The following KYNU variants were observed in gnomAD, a reference collection of about 807,000 sequenced individuals.
KYNU encodes the protein L-kynurenine hydrolase.
A neutral mutation model predicts 59.2 loss-of-function variants in KYNU; 54 were observed. The ratio of observed to expected loss-of-function variants is 0.91; its 90% CI spans 0.73 to 1.14. The LOEUF (loss-of-function observed/expected upper bound fraction) is 1.14. Ranked by LOEUF, KYNU falls within the 50% of genes most tolerant of loss-of-function variation. KYNU has a pLI of 0.00. For synonymous variants in KYNU, 177 were observed against 192.0 expected (o/e 0.92, Z 0.65); for missense variants, 567 against 554.4 (o/e 1.02, Z -0.23).
chr2:142,918,033 T>C (rs1462008178), intron 2 of KYNU, among the ~76,000 whole-genome samples: 3 of 152,212 alleles, frequency 2.0e-5, no homozygotes, highest in African/African-American at 7.2e-5. Context: ...ATCATCAAAG[T>C]TTGATTTATA....
intron 10 of KYNU, among the ~76,000 whole-genome samples, chr2:143,020,145 A>G (rs749513833): frequency 2.0e-5 from 3 of 150,942 alleles, no homozygotes; most frequent in African/African-American, 4.9e-5. Context: ...TCTTTATTCT[A>G]TCCTTCCTTC....
At chr2:142,925,566 C>A (rs1683021984) in intron 3 of KYNU, among the ~76,000 whole-genome samples, 1 of 152,034 alleles carries the variant, frequency 6.6e-6, no homozygotes, top group Non-Finnish European at 1.5e-5. Flanking sequence ...ATATTGTTAC[C>A]CATTTACTTG....
intron 8 of KYNU, 142 bp downstream of exon 8, chr2:142,960,912 T>G (rs1684321953): frequency 1.0e-6 from 1 of 952,382 alleles, no homozygotes; most frequent in Non-Finnish European, 1.6e-6. Context: ...GAGTAAACCT[T>G]GGGCCAGGCA....
At chr2:142,938,103 G>C (rs556381469) in intron 4 of KYNU, among the ~76,000 whole-genome samples, 41 of 152,294 alleles carry the variant, frequency 2.7e-4, no homozygotes, top group African/African-American at 9.1e-4. Flanking sequence ...CCTGTTTACA[G>C]GAGAAAAACA....
At chr2:142,948,512 C>A (rs1683874998) in intron 4 of KYNU, among the ~76,000 whole-genome samples, 1 of 152,188 alleles carries the variant, frequency 6.6e-6, no homozygotes, top group African/African-American at 2.4e-5. Flanking sequence ...GGGGAAGCCT[C>A]ATGACAGTGG....
chr2:142,977,633 A>G (rs2105140973), intron 8 of KYNU, among the ~76,000 whole-genome samples: 1 of 152,076 alleles, frequency 6.6e-6, no homozygotes, highest in Admixed American at 6.6e-5. Context: ...TGCTATTCTC[A>G]TTGAACTATA....
At position 142,978,274 on chromosome 2, in the gene KYNU, C is replaced by T. The variant is rs199882340; in HGVS notation, c.730-6810C>T. Among the ~76,000 whole-genome samples the T allele has an allele frequency of 2.2e-4, 31 of 142,626 alleles. No individual in the cohort carries two copies. In the East Asian group the frequency reaches 5.2e-3, roughly 24 times the overall value. 93.6% of individuals were successfully genotyped at this position (142,626 alleles called of 152,430 possible). ...TCTCCCTATACCGTTTTCTTTTTTTCGTTCATTTTCTTTAAATTTCCCATT... is the reference window on the plus strand; with the variant it reads ...TCTCCCTATACCGTTTTCTTTTTTTTGTTCATTTTCTTTAAATTTCCCATT... On this transcript the variant is annotated intron_variant, in intron 8 of 13. Coordinates refer to ENST00000264170, the MANE Select transcript of KYNU (RefSeq NM_003937.3).
intron 8 of KYNU, among the ~76,000 whole-genome samples, chr2:142,980,872 A>G (rs1232279981): frequency 6.6e-6 from 1 of 152,136 alleles, no homozygotes; most frequent in African/African-American, 2.4e-5. Context: ...GTTTGCTTTC[A>G]CATATGCATA....
At chr2:142,908,395 A>T (rs1441188637) in intron 2 of KYNU, among the ~76,000 whole-genome samples, 2 of 151,976 alleles carry the variant, frequency 1.3e-5, no homozygotes, top group Non-Finnish European at 2.9e-5. Context: ...ATTTAATTAA[A>T]TTGAGAAGTC....
chr2:142,993,065 C>T (rs1685447877), intron 10 of KYNU, among the ~76,000 whole-genome samples: 1 of 151,906 alleles, frequency 6.6e-6, no homozygotes, highest in Non-Finnish European at 1.5e-5. Context: ...TGGGGAAACT[C>T]ACAGATACGA....
In KYNU at chr2:142,890,710, T is replaced by C. The variant is rs115000802; in HGVS notation, c.169+5174T>C. Reference sequence around the variant, plus strand: ...TCAGGCTGGTCTCAAACTCCTGGACTCAAGTAGTCCTCCCGCCTCAGCCTA... The same window carrying C: ...TCAGGCTGGTCTCAAACTCCTGGACCCAAGTAGTCCTCCCGCCTCAGCCTA... On this transcript the variant is annotated intron_variant, in intron 2 of 13. Transcript: ENST00000264170. 7.6e-3 allele frequency among the ~76,000 whole-genome samples: 1,158 copies of C among 152,292 alleles called. 6 individuals are homozygous for C. The highest frequency in any genetic ancestry group is 0.027 in the African/African-American group (1,110 of 41,552).
chr2:143,029,888 G>A (rs963082372), intron 11 of KYNU, among the ~76,000 whole-genome samples: 2 of 152,128 alleles, frequency 1.3e-5, no homozygotes, highest in African/African-American at 4.8e-5. Context: ...CCCTTAGCAG[G>A]GAGATAAAAG....
At chr2:142,928,757 C>G (rs867010418) in intron 4 of KYNU, among the ~76,000 whole-genome samples, 1 of 151,750 alleles carries the variant, frequency 6.6e-6, no homozygotes. Flanking sequence ...CCTATAATCC[C>G]AGCACTTTGA....
chr2:142,892,063 C>G (rs1299137633), intron 2 of KYNU, among the ~76,000 whole-genome samples: 2 of 152,232 alleles, frequency 1.3e-5, no homozygotes, highest in East Asian at 3.9e-4. Flanking sequence ...CAGATGCATA[C>G]CACTACACCC....
chr2:142,999,266 C>T (rs1165959282), intron 10 of KYNU, among the ~76,000 whole-genome samples: 1 of 152,074 alleles, frequency 6.6e-6, no homozygotes, highest in African/African-American at 2.4e-5. Flanking sequence ...GACTATTTAT[C>T]AAGAATTTTA....
At chr2:142,910,604 G>GT (rs1350523391) in intron 2 of KYNU, among the ~76,000 whole-genome samples, 1 of 152,040 alleles carries the variant, frequency 6.6e-6, no homozygotes, top group Non-Finnish European at 1.5e-5. Context: ...AGTTTGGGGG[G>GT]TTTTTGCAAT....
intron 2 of KYNU, among the ~76,000 whole-genome samples, chr2:142,911,508 A>C (rs1025940313): frequency 2.0e-5 from 3 of 152,118 alleles, no homozygotes; most frequent in Admixed American, 6.5e-5. Flanking sequence ...ATTAGTAAAG[A>C]TAGATAATTT....
intron 10 of KYNU, among the ~76,000 whole-genome samples, chr2:143,013,947 A>G (rs1035035732): frequency 9.2e-5 from 14 of 152,154 alleles, no homozygotes; most frequent in African/African-American, 3.4e-4. Context: ...TTTTATCCCA[A>G]CCATCCCAAA....
In KYNU at chr2:143,014,446, G is replaced by C. The variant is rs184649338; in HGVS notation, c.903-15181G>C. Among the ~76,000 whole-genome samples, 5 of 152,262 alleles carry C rather than the reference G, an allele frequency of 3.3e-5. No individual in the cohort carries two copies. In the East Asian group the frequency reaches 9.6e-4, roughly 29 times the overall value. On this transcript the variant is annotated intron_variant, in intron 10 of 13. Coordinates refer to ENST00000264170, the MANE Select transcript of KYNU (RefSeq NM_003937.3). ...TCTTCAGTTTTCTTTTATATGTGCT[G>C]TTTCTGGCATAAATTTTATGCTGGG...
Sources: allele counts gnomAD v4.1 joint callset (sites outside exome capture counted in the v4.1 genomes callset), GRCh38; gene constraint gnomAD v4.1.1; transcripts MANE v1.5; gene names NCBI Gene and HGNC (gene_info 2026-07-23, HGNC 2026-07-21).